The following CFB variants were observed in gnomAD, a reference collection of about 807,000 sequenced individuals.
CFB encodes the protein B-factor, properdin.
CFB carries 59 observed loss-of-function variants against 97.2 expected under a neutral mutation model. The observed-to-expected ratio is 0.61, with a 90% CI of 0.49 to 0.75. CFB has a LOEUF of 0.75. Ranked by LOEUF, CFB falls within the 30% of genes least tolerant of loss-of-function variation. CFB has a pLI of 0.00. For synonymous variants in CFB, 316 were observed against 351.7 expected (o/e 0.90, Z 1.14); for missense variants, 771 against 959.8 (o/e 0.80, Z 2.60).
At position 31,950,069 on chromosome 6, in the gene CFB, T is replaced by A. The variant is rs770201325; in HGVS notation, c.1428T>A (p.Ser476Arg). ...YQMIDESQSL[S>R]LCGMVWEHRK... Reference sequence around the variant, plus strand: ...TGCCAGATGAAAGCCAGTCTCTGAGTCTCTGTGGCATGGTTTGGGAACACA... The same window carrying A: ...TGCCAGATGAAAGCCAGTCTCTGAGACTCTGTGGCATGGTTTGGGAACACA... The change falls in exon 11 of 18, where the codon AGT becomes AGA. Residue 476 changes from serine to arginine, a missense_variant. Ser to Arg is a moderately radical substitution (Grantham distance 110, BLOSUM62 -1). Coordinates refer to ENST00000425368, the MANE Select transcript of CFB (RefSeq NM_001710.6). 1 of 1,612,928 alleles carries A rather than the reference T, an allele frequency of 6.2e-7. No individual in the cohort carries two copies. Among genetic ancestry groups the A allele is most frequent in the Non-Finnish European group, 8.5e-7 (1 of 1,180,044 alleles).
rs1410430028 is a variant in CFB, at chr6:31,947,262, G to A, written c.484+70G>A. On this transcript the variant is annotated intron_variant, in intron 3 of 17. Transcript: ENST00000425368. The surrounding 1 kb of genome is among the most constrained non-coding windows in gnomAD (Gnocchi z 5.3). ...GCCCAGCCCGAGGAGTGGGCACTCG[G>A]CTCCGGACACTGTAACTCTTGCTCT... 1 of 1,610,622 alleles carries A rather than the reference G, an allele frequency of 6.2e-7. No homozygotes were observed. Among genetic ancestry groups the A allele is most frequent in the Non-Finnish European group, 8.5e-7 (1 of 1,179,348 alleles).
In CFB at chr6:31,947,216, C is replaced by T; in HGVS notation, c.484+24C>T. 3.1e-6 allele frequency: 5 copies of T among 1,612,496 alleles called. No individual in the cohort carries two copies. The highest frequency in any genetic ancestry group is 4.2e-6 in the Non-Finnish European group (5 of 1,179,974). On this transcript the variant is annotated intron_variant, in intron 3 of 17. Transcript: ENST00000425368. The surrounding 1 kb of genome is among the most constrained non-coding windows in gnomAD (Gnocchi z 5.3). ...AGGTGAGAAGCATCCCCTCCCCCTA[C>T]ATTGCTGTCTCCCTGACGGCGCCCA... is the stretch of plus-strand genomic sequence containing the variant.
Position 31,950,063 on chromosome 6 carries a change from T to G in CFB, c.1422T>G (p.Ser474=). ...VFYQMIDESQ[S]LSLCGMVWEH... is the part of the protein sequence containing the mutation. ...CTTCTCTGCCAGATGAAAGCCAGTC[T>G]CTGAGTCTCTGTGGCATGGTTTGGG... is the stretch of plus-strand genomic sequence containing the variant. Residue 474 remains serine, a synonymous_variant, in exon 11 of 18, where the codon TCT becomes TCG. Transcript: ENST00000425368. The G allele has an allele frequency of 6.2e-7, 1 of 1,613,070 alleles. No individual in the cohort carries two copies. The highest frequency in any genetic ancestry group is 8.5e-7 in the Non-Finnish European group (1 of 1,180,026).
intron 7 of CFB, 64 bp from the exon 8 acceptor site, chr6:31,948,766 G>T (rs1177712590): frequency 6.2e-7 from 1 of 1,611,702 alleles, no homozygotes; most frequent in Non-Finnish European, 8.5e-7. Flanking sequence ...TTGCAGATTG[G>T]TCTCTGGGGT....
chr6:31,952,025 C>A lies in CFB; in HGVS notation c.2290C>A (p.Leu764Ile). 6.2e-7 allele frequency: 1 copy of A among 1,612,806 alleles called. No homozygotes were observed. The highest frequency in any genetic ancestry group is 1.7e-5 in the Admixed American group (1 of 60,020). Reference protein sequence around the residue: ...EKLQDEDLGFL With the variant: ...EKLQDEDLGFI Reference sequence around the variant, plus strand: ...ACTCCAAGATGAGGATTTGGGTTTTCTATAAGGGGTTTCCTGCTGGACAGG... The same window carrying A: ...ACTCCAAGATGAGGATTTGGGTTTTATATAAGGGGTTTCCTGCTGGACAGG... The change falls in exon 18 of 18, where the codon CTA becomes ATA. Residue 764 changes from leucine to isoleucine, a missense_variant. Transcript: ENST00000425368.
intron 8 of CFB, 62 bp downstream of exon 8, chr6:31,949,023 T>A (rs1771601365): frequency 6.2e-7 from 1 of 1,608,768 alleles, no homozygotes; most frequent in African/African-American, 1.3e-5. Context: ...ATGTGGCCCT[T>A]AAGTCCACTT....
In CFB at chr6:31,947,503, A is replaced by T. The variant is rs773907290; in HGVS notation, c.640A>T (p.Thr214Ser). The change falls in exon 4 of 18, where the codon ACG (threonine) becomes TCG (serine). Residue 214 changes from threonine (T) to serine (S), a missense_variant. Transcript: ENST00000425368. This position sits in a 1 kb window ranked among gnomAD's most constrained non-coding sequence, Gnocchi z 5.3. ...TCAGGAAGGTGGCTCTTGGAGCGGG[A>T]CGGAGCCTTCCTGCCAAGGTGACCT... is the stretch of plus-strand genomic sequence containing the variant. ...TCQEGGSWSGTEPSCQDSFMY... is the reference protein window; with the variant it reads ...TCQEGGSWSGSEPSCQDSFMY... 6.2e-6 allele frequency: 10 copies of T among 1,612,762 alleles called. No individual in the cohort carries two copies. In the South Asian group the frequency reaches 8.8e-5, roughly 14 times the overall value.
chr6:31,947,833 G>T lies in CFB; in HGVS notation c.750G>T (p.Gly250=). ...TAGAAGGAGTCGATGCTGAGGATGG[G>T]CACGGCCCAGGTTTGAAGACAGAGA... ...ETIEGVDAED[G]HGPGEQQKRK... Residue 250 remains glycine (G), a synonymous_variant, in exon 5 of 18, where the codon GGG becomes GGT. Coordinates refer to ENST00000425368, the MANE Select transcript of CFB (RefSeq NM_001710.6). The surrounding 1 kb of genome is among the most constrained non-coding windows in gnomAD (Gnocchi z 5.3). 4.3e-6 allele frequency: 7 copies of T among 1,613,892 alleles called. No homozygotes were observed. The highest frequency in any genetic ancestry group is 5.9e-6 in the Non-Finnish European group (7 of 1,180,038).
At chr6:31,949,367 A>C in intron 9 of CFB, 23 bp downstream of exon 9, 1 of 1,614,214 alleles carries the variant, frequency 6.2e-7, no homozygotes, top group Non-Finnish European at 8.5e-7. Flanking sequence ...CCTAGGACCC[A>C]GCACCCCACT....
Position 31,949,882 on chromosome 6 carries a change from C to T in CFB, c.1409-168C>T, listed in dbSNP as rs115686284. ...GACAGCTTGATCCCAAGTTCTTTCC[C>T]TTTTCAGTCCACCATAGCAGTTTTC... On this transcript the variant is annotated intron_variant, in intron 10 of 17. Transcript: ENST00000425368. The T allele has an allele frequency of 8.2e-4, 628 of 762,800 alleles. 1 individual carries two copies. In the African/African-American group the frequency reaches 9.3e-3, roughly 11 times the overall value. 47.3% of individuals were successfully genotyped at this position (762,800 alleles called of 1,614,324 possible).
At position 31,950,043 on chromosome 6, in the gene CFB, C is replaced by T; in HGVS notation, c.1409-7C>T. 6.2e-7 allele frequency: 1 copy of T among 1,612,898 alleles called. No homozygotes were observed. Among genetic ancestry groups the T allele is most frequent in the Non-Finnish European group, 8.5e-7 (1 of 1,179,872 alleles). On this transcript the variant is annotated splice_polypyrimidine_tract_variant and splice_region_variant and intron_variant, in intron 10 of 17. Transcript: ENST00000425368. ...CGAGTTTTCAGCACATTCTCCTTCT[C>T]TGCCAGATGAAAGCCAGTCTCTGAG...
At position 31,946,403 on chromosome 6, in the gene CFB, G is replaced by T. The variant is rs641153; in HGVS notation, c.95G>T (p.Arg32Leu). The T allele has an allele frequency of 6.2e-7, 1 of 1,612,908 alleles. No homozygotes were observed. Among genetic ancestry groups the T allele is most frequent in the Non-Finnish European group, 8.5e-7 (1 of 1,180,008 alleles). ...GVTTTPWSLA[R>L]PQGSCSLEGV... ...ACCACCACTCCATGGTCTTTGGCCC[G>T]GCCCCAGGGATCCTGCTCTCTGGAG... Residue 32 changes from arginine (R) to leucine (L), a missense_variant, in exon 2 of 18, where the codon CGG (arginine) becomes CTG (leucine). Transcript: ENST00000425368. This position sits in a 1 kb window ranked among gnomAD's most constrained non-coding sequence, Gnocchi z 6.4.
chr6:31,948,442 CAA>C lies in CFB; in HGVS notation c.968_969del (p.Lys323SerfsTer3), dbSNP rs1205115519. 6.2e-7 allele frequency: 1 copy of C among 1,614,162 alleles called. No homozygotes were observed. Among genetic ancestry groups the C allele is most frequent in the East Asian group, 2.2e-5 (1 of 44,884 alleles). On this transcript the variant is annotated frameshift_variant, in exon 7 of 18. Coordinates refer to ENST00000425368, the MANE Select transcript of CFB (RefSeq NM_001710.6). LOFTEE classifies it high-confidence loss of function. Reference sequence around the variant, plus strand: ...ATGCCACATACCCCAAAATTTGGGTCAAAGTGTCTGAAGCAGACAGCAGTAAT... The same window carrying C: ...ATGCCACATACCCCAAAATTTGGGTCAGTGTCTGAAGCAGACAGCAGTAAT... ...TYATYPKIWV[K>X]VSEADSSNAD...
intron 7 of CFB, 113 bp downstream of exon 7, chr6:31,948,625 T>G (rs1016288926): frequency 1.2e-5 from 18 of 1,544,358 alleles, no homozygotes; most frequent in Admixed American, 1.7e-5. Context: ...TAGTCAAAAG[T>G]TGAACAGCAG....
At chr6:31,948,120 C>G (rs1211916560) in intron 6 of CFB, 39 bp downstream of exon 6, 1 of 1,610,146 alleles carries the variant, frequency 6.2e-7, no homozygotes, top group Admixed American at 1.7e-5. Context: ...GGAATGGAAT[C>G]TCGCTGATCT....
In CFB at chr6:31,947,936, G is replaced by A. The variant is rs570758506; in HGVS notation, c.761-9G>A. 3.1e-6 allele frequency: 5 copies of A among 1,614,226 alleles called. No homozygotes were observed. The South Asian group carries it at 5.5e-5, about 18-fold the overall frequency. On this transcript the variant is annotated splice_polypyrimidine_tract_variant and intron_variant, in intron 5 of 17. Transcript: ENST00000425368. The surrounding 1 kb of genome is among the most constrained non-coding windows in gnomAD (Gnocchi z 5.3). ...ATGCTGGAGCCTGAGCCACTCTCCT[G>A]GCACCCAGGGGAACAACAGAAGCGG... is the stretch of plus-strand genomic sequence containing the variant.
At chr6:31,949,936 G>A in intron 10 of CFB, 114 bp from the exon 11 acceptor site, 1 of 972,390 alleles carries the variant, frequency 1.0e-6, no homozygotes, top group Non-Finnish European at 1.7e-6. Flanking sequence ...AATACCCGTG[G>A]TCTTTCCCTT....
In CFB at chr6:31,946,653, C is replaced by A; in HGVS notation, c.298+47C>A. 2.0e-6 allele frequency: 3 copies of A among 1,536,658 alleles called. No individual in the cohort carries two copies. Among genetic ancestry groups the A allele is most frequent in the African/African-American group, 1.4e-5 (1 of 73,708 alleles). On this transcript the variant is annotated intron_variant, in intron 2 of 17. Coordinates refer to ENST00000425368, the MANE Select transcript of CFB (RefSeq NM_001710.6). The surrounding 1 kb of genome is among the most constrained non-coding windows in gnomAD (Gnocchi z 6.4). ...GCAGTGGCCTAAGGCAGAAACAGGG[C>A]AGGCGGCAGCAAGGTCAGGACTAGG...
intron 6 of CFB, 112 bp from the exon 7 acceptor site, chr6:31,948,262 C>T (rs1771559582): frequency 2.0e-6 from 3 of 1,534,396 alleles, no homozygotes; most frequent in Non-Finnish European, 2.7e-6. Flanking sequence ...CCATGAACCT[C>T]AGCCCTTGAG....
Sources: gnomAD v4.1 joint callset for allele counts on GRCh38, gnomAD v4.1.1 for gene constraint, Gnocchi (gnomAD v3.1) non-coding constraint, MANE v1.5 for transcripts, NCBI Gene and HGNC (gene_info 2026-07-23, HGNC 2026-07-21) for gene names.